RBFOX3: variants seen among roughly 807,000 people sequenced by gnomAD.
RBFOX3 encodes RNA binding protein fox-1 homolog 3.
In RBFOX3, 17 loss-of-function variants were observed where a neutral mutation model predicts 48.7. That is an observed-to-expected ratio of 0.35 (90% CI 0.24 to 0.52). The LOEUF (loss-of-function observed/expected upper bound fraction) is 0.52, where lower values mean the gene tolerates loss of function less well. Among genes scored for constraint, RBFOX3 ranks in the 20% least tolerant of loss-of-function variants. RBFOX3 has a pLI of 0.94. For synonymous variants in RBFOX3, 212 were observed against 209.5 expected, an observed-to-expected ratio of 1.01 and a Z score of -0.10; for missense variants, 382 against 497.5, an observed-to-expected ratio of 0.77 and a Z score of 2.21.
chr17:79,177,576 A>AG (rs2050872436), intron 4 of RBFOX3, among the ~76,000 whole-genome samples: 2 of 152,152 alleles, frequency 1.3e-5, no homozygotes, highest in South Asian at 4.1e-4. Context: ...TTGGAGAGCC[A>AG]GGGGGCACAC....
chr17:79,090,637 C>T lies in RBFOX3; in HGVS notation c.*246G>A. 1.9e-6 allele frequency: 1 copy of T among 522,842 alleles called. No individual in the cohort carries two copies. Among genetic ancestry groups the T allele is most frequent in the Non-Finnish European group, 3.4e-6 (1 of 294,592 alleles). 32.4% of individuals were successfully genotyped at this position (522,842 alleles called of 1,614,324 possible). ...GGAGGGGCGTGTTCCCACTGTGCTGCCAGCCAGGACGCGGTGGGGCCGTCC... is the reference window on the plus strand; with the variant it reads ...GGAGGGGCGTGTTCCCACTGTGCTGTCAGCCAGGACGCGGTGGGGCCGTCC... On this transcript the variant is annotated 3_prime_UTR_variant, in exon 15 of 15. Coordinates refer to ENST00000693108, the MANE Select transcript of RBFOX3 (RefSeq NM_001350451.2).
In RBFOX3 at chr17:79,375,358, G is replaced by GACACACACACACAC. The variant is rs534923135; in HGVS notation, c.-174-67548_-174-67535dup. On this transcript the variant is annotated intron_variant, in intron 2 of 14. Transcript: ENST00000693108. Reference sequence around the variant, plus strand: ...TGCTGGTCCAGTTAGGAAGACAGAAGACACACACACACACACACACACACA... The same window carrying GACACACACACACAC: ...TGCTGGTCCAGTTAGGAAGACAGAAGACACACACACACACACACACACACACACACACACACACA... 2.9e-3 allele frequency among the ~76,000 whole-genome samples: 400 copies of GACACACACACACAC among 136,286 alleles called. 4 individuals carry two copies. The highest frequency in any genetic ancestry group is 7.2e-3 in the Middle Eastern group (2 of 276). 89.4% of individuals were successfully genotyped at this position (136,286 alleles called of 152,430 possible).
intron 4 of RBFOX3, among the ~76,000 whole-genome samples, chr17:79,138,944 C>G (rs553163248): frequency 2.9e-3 from 159 of 54,144 alleles, no homozygotes; most frequent in Non-Finnish European, 6.2e-3. Flanking sequence ...CATTCACACC[C>G]CCCTCAGCCC....
At chr17:79,614,480 C>A (rs954720752), upstream of RBFOX3, among the ~76,000 whole-genome samples, 2 of 151,604 alleles carry the variant, frequency 1.3e-5, no homozygotes, top group Admixed American at 6.6e-5. Context: ...GCTTTGCAGC[C>A]CCCCTAAGGT....
At chr17:79,509,415 G>A (rs2083741040) in intron 1 of RBFOX3, among the ~76,000 whole-genome samples, 1 of 151,928 alleles carries the variant, frequency 6.6e-6, no homozygotes, top group South Asian at 2.1e-4. Context: ...CTCCCACTCT[G>A]CGGGTATATT....
intron 4 of RBFOX3, among the ~76,000 whole-genome samples, chr17:79,176,558 AAGT>A (rs2050587374): frequency 6.6e-6 from 1 of 152,256 alleles, no homozygotes; most frequent in Non-Finnish European, 1.5e-5. Flanking sequence ...GTGACACAAG[AAGT>A]CGGAGTCAGT....
At chr17:79,351,214 A>G (rs955146331) in intron 2 of RBFOX3, among the ~76,000 whole-genome samples, 2 of 152,188 alleles carry the variant, frequency 1.3e-5, no homozygotes, top group African/African-American at 4.8e-5. Context: ...CGATGCTGCT[A>G]TGAACACCAG....
intron 14 of RBFOX3, among the ~76,000 whole-genome samples, chr17:79,091,774 A>G (rs1236786940): frequency 7.9e-5 from 12 of 152,180 alleles, no homozygotes; most frequent in Admixed American, 2.6e-4. Context: ...CCCCCTTGCA[A>G]GGCTGGCCTG....
intron 1 of RBFOX3, among the ~76,000 whole-genome samples, chr17:79,493,236 C>G (rs1289982461): frequency 2.6e-5 from 4 of 152,114 alleles, no homozygotes; most frequent in Non-Finnish European, 5.9e-5. Context: ...CACTCATCAC[C>G]AAGGGGGTGG....
chr17:79,405,131 A>AT (rs2063370282), intron 2 of RBFOX3, among the ~76,000 whole-genome samples: 1 of 152,046 alleles, frequency 6.6e-6, no homozygotes, highest in Non-Finnish European at 1.5e-5. Context: ...TTCCCCCAAC[A>AT]TTTTATCACC....
chr17:79,227,981 C>A (rs1396563464), intron 4 of RBFOX3, among the ~76,000 whole-genome samples: 2 of 152,190 alleles, frequency 1.3e-5, no homozygotes, highest in Admixed American at 6.5e-5. Context: ...TCTGGAGAGA[C>A]AAGGGGCCCT....
intron 2 of RBFOX3, among the ~76,000 whole-genome samples, chr17:79,325,099 C>A (rs1431251034): frequency 6.6e-6 from 1 of 152,236 alleles, no homozygotes; most frequent in African/African-American, 2.4e-5. Flanking sequence ...CAATTTTCCC[C>A]CAACCCTGGG....
chr17:79,224,664 G>A (rs1472399906), intron 4 of RBFOX3, among the ~76,000 whole-genome samples: 2 of 152,178 alleles, frequency 1.3e-5, no homozygotes, highest in Non-Finnish European at 2.9e-5. Flanking sequence ...CTTAGCTTTG[G>A]AGTCATCGTC....
At chr17:79,640,753 A>G in the RBFOX3 span, among the ~76,000 whole-genome samples, 1 of 152,146 alleles carries the variant, frequency 6.6e-6, no homozygotes, top group Non-Finnish European at 1.5e-5. Context: ...AGATTCACAT[A>G]CAGGAGAATA....
intron 2 of RBFOX3, among the ~76,000 whole-genome samples, chr17:79,320,568 T>A (rs2078363820): frequency 6.6e-6 from 1 of 152,210 alleles, no homozygotes; most frequent in Non-Finnish European, 1.5e-5. Flanking sequence ...TGCCCATATC[T>A]AACCAGCTCT....
chr17:79,398,551 A>T (rs2062351483), intron 2 of RBFOX3, among the ~76,000 whole-genome samples: 1 of 151,552 alleles, frequency 6.6e-6, no homozygotes, highest in Non-Finnish European at 1.5e-5. Flanking sequence ...ATTGTTGGTC[A>T]TCGTAACTGA....
intron 10 of RBFOX3, 94 bp from the exon 11 acceptor site, chr17:79,097,518 C>G: frequency 7.5e-7 from 1 of 1,328,726 alleles, no homozygotes; most frequent in Admixed American, 3.1e-5. Context: ...GCGCACCTAG[C>G]CCCCAACCCC....
intron 2 of RBFOX3, among the ~76,000 whole-genome samples, chr17:79,455,277 G>T (rs76309245): frequency 5.9e-5 from 9 of 152,186 alleles, no homozygotes; most frequent in African/African-American, 2.2e-4. Flanking sequence ...GGAGCGGAGA[G>T]GGGGAGAGGC....
At chr17:79,218,260 C>T (rs964833421) in intron 4 of RBFOX3, among the ~76,000 whole-genome samples, 8 of 151,802 alleles carry the variant, frequency 5.3e-5, no homozygotes, top group South Asian at 2.1e-4. Flanking sequence ...GTTTGGGTGC[C>T]GTCTCCCACA....
Sources: allele counts gnomAD v4.1 joint callset (sites outside exome capture counted in the v4.1 genomes callset), GRCh38; gene constraint gnomAD v4.1.1; transcripts MANE v1.5; gene names NCBI Gene and HGNC (gene_info 2026-07-23, HGNC 2026-07-21).